ANO3: variants seen among roughly 807,000 people sequenced by gnomAD.
ANO3 encodes the protein anoctamin-3.
ANO3 carries 99 observed loss-of-function variants against 144.8 expected under a neutral mutation model. The ratio of observed to expected loss-of-function variants is 0.68; its 90% confidence interval spans 0.58 to 0.81. The LOEUF (loss-of-function observed/expected upper bound fraction) is 0.81. Among genes scored for constraint, ANO3 ranks in the 30% least tolerant of loss-of-function variants. ANO3 has a pLI of 0.00. For synonymous variants in ANO3, 414 were observed against 392.6 expected, an observed-to-expected ratio of 1.05 and a Z score of -0.64; for missense variants, 905 against 1,202.2, an observed-to-expected ratio of 0.75 and a Z score of 3.66.
At chr11:26,260,015 A>G (rs1237937406) in intron 1 of ANO3, among the ~76,000 whole-genome samples, 1 of 147,088 alleles carries the variant, frequency 6.8e-6, no homozygotes, top group East Asian at 2.1e-4. Flanking sequence ...GCCCTGTCTG[A>G]TGGCCATGAA....
chr11:26,213,084 C>A (rs924954708), intron 1 of ANO3, among the ~76,000 whole-genome samples: 1 of 152,132 alleles, frequency 6.6e-6, no homozygotes, highest in Non-Finnish European at 1.5e-5. Context: ...TTTAACACCC[C>A]TTCATGTTAA....
chr11:26,570,630 C>G (rs571141468), intron 14 of ANO3, among the ~76,000 whole-genome samples: 2 of 152,182 alleles, frequency 1.3e-5, no homozygotes, highest in South Asian at 2.1e-4. Flanking sequence ...TCACTGACGA[C>G]TATACATTGG....
At chr11:26,408,909 G>T (rs1857360839) in intron 1 of ANO3, among the ~76,000 whole-genome samples, 1 of 151,588 alleles carries the variant, frequency 6.6e-6, no homozygotes, top group South Asian at 2.1e-4. Flanking sequence ...CTCACTCATA[G>T]GTGGGAATTG....
At chr11:26,617,264 A>G (rs1371113163) in intron 17 of ANO3, among the ~76,000 whole-genome samples, 1 of 152,158 alleles carries the variant, frequency 6.6e-6, no homozygotes, top group African/African-American at 2.4e-5. Context: ...GTTGATTCTC[A>G]TACCTATGGC....
intron 1 of ANO3, among the ~76,000 whole-genome samples, chr11:26,402,125 T>C (rs1857161947): frequency 6.6e-6 from 1 of 152,062 alleles, no homozygotes; most frequent in African/African-American, 2.4e-5. Flanking sequence ...TATGTCTTTA[T>C]ATTAGAAAGA....
chr11:26,629,157 C>A (rs1191639073), intron 18 of ANO3, among the ~76,000 whole-genome samples: 1 of 152,138 alleles, frequency 6.6e-6, no homozygotes, highest in East Asian at 1.9e-4. Flanking sequence ...TGCCATTCTG[C>A]TGGGAACATT....
Position 26,272,034 on chromosome 11 carries a change from G to C in ANO3, c.155-37611G>C, listed in dbSNP as rs116295591. On this transcript the variant is annotated intron_variant, in intron 1 of 27. Transcript: ENST00000672621. ...CCTGCTGCTAGTGTGGTGAGATCAA[G>C]TGTTTTGAGTATCTATTGAAAATGC... Among the ~76,000 whole-genome samples, 520 of 152,090 alleles carry C rather than the reference G, an allele frequency of 3.4e-3. 1 individual carries two copies. Among genetic ancestry groups the C allele is most frequent in the African/African-American group, 0.012 (499 of 41,476 alleles).
chr11:26,282,468 G>A (rs2133845568), intron 1 of ANO3, among the ~76,000 whole-genome samples: 1 of 152,104 alleles, frequency 6.6e-6, no homozygotes, highest in Admixed American at 6.5e-5. Flanking sequence ...TTAGATTGCT[G>A]TTTTTCCAAT....
chr11:26,274,819 T>A (rs906812546), intron 1 of ANO3, among the ~76,000 whole-genome samples: 1 of 152,140 alleles, frequency 6.6e-6, no homozygotes, highest in Admixed American at 6.6e-5. Context: ...AAAGATTTTT[T>A]AATTTATACC....
chr11:26,597,467 A>C (rs1016105619), intron 14 of ANO3, among the ~76,000 whole-genome samples: 1 of 152,140 alleles, frequency 6.6e-6, no homozygotes, highest in Admixed American at 6.5e-5. Context: ...CGCCTCGCTG[A>C]ATCAGGAGCA....
chr11:26,659,933 C>A (rs1377198556), intron 26 of ANO3, among the ~76,000 whole-genome samples: 1 of 152,020 alleles, frequency 6.6e-6, no homozygotes, highest in Non-Finnish European at 1.5e-5. Flanking sequence ...TCTTTCTCAT[C>A]TGTGTGTAAC....
At chr11:26,378,610 T>TA (rs1463990569) in intron 1 of ANO3, among the ~76,000 whole-genome samples, 1 of 151,834 alleles carries the variant, frequency 6.6e-6, no homozygotes, top group East Asian at 1.9e-4. Context: ...CCCAAATGTA[T>TA]AAAAAATGCA....
chr11:26,519,054 A>C (rs989072277), intron 6 of ANO3, among the ~76,000 whole-genome samples: 1 of 152,148 alleles, frequency 6.6e-6, no homozygotes, highest in African/African-American at 2.4e-5. Flanking sequence ...AAATCTAATA[A>C]ATTAATCCTA....
At chr11:26,547,584 G>A (rs1849820145) in intron 12 of ANO3, 34 bp downstream of exon 12, 1 of 1,600,504 alleles carries the variant, frequency 6.2e-7, no homozygotes, top group Non-Finnish European at 8.5e-7. Flanking sequence ...AAAATATTTG[G>A]CTTGTCTTCT....
chr11:26,353,248 G>T (rs1015494038), intron 1 of ANO3, among the ~76,000 whole-genome samples: 6 of 152,184 alleles, frequency 3.9e-5, no homozygotes, highest in African/African-American at 1.4e-4. Context: ...GTGGGATTTG[G>T]TATGTTGATG....
chr11:26,591,328 G>A (rs1351110842), intron 14 of ANO3, among the ~76,000 whole-genome samples: 1 of 152,124 alleles, frequency 6.6e-6, no homozygotes, highest in Non-Finnish European at 1.5e-5. Context: ...TCCTCAGGAG[G>A]GGTGCCTTTG....
intron 1 of ANO3, chr11:26,288,048 AG>A (rs1564949814): frequency 6.6e-6 from 1 of 152,386 alleles, no homozygotes; most frequent in East Asian, 1.9e-4. Context: ...CACACTGTAG[AG>A]GGTAGACTAA....
intron 1 of ANO3, among the ~76,000 whole-genome samples, chr11:26,382,371 G>C (rs996487047): frequency 3.3e-5 from 5 of 152,004 alleles, no homozygotes; most frequent in Non-Finnish European, 7.4e-5. Context: ...AGTTTGCTGG[G>C]GTTTCTGGAG....
chr11:26,502,335 A>G (rs748072834), intron 4 of ANO3, among the ~76,000 whole-genome samples: 3 of 152,100 alleles, frequency 2.0e-5, no homozygotes, highest in Non-Finnish European at 4.4e-5. Flanking sequence ...TAATAATTCT[A>G]CAATGTTGGC....
Sources: gnomAD v4.1 joint callset for allele counts (sites outside exome capture counted in the v4.1 genomes callset) on GRCh38, gnomAD v4.1.1 for gene constraint, MANE v1.5 for transcripts, NCBI Gene and HGNC (gene_info 2026-07-23, HGNC 2026-07-21) for gene names.